Variants in KCNQ1 observed in about 807,000 individuals in gnomAD.
KCNQ1 encodes potassium voltage-gated channel subfamily KQT member 1.
A neutral mutation model predicts 72.4 loss-of-function variants in KCNQ1; 49 were observed. That is an observed-to-expected ratio of 0.68 (90% CI 0.54 to 0.86). The LOEUF is 0.86. Among genes scored for constraint, KCNQ1 ranks in the 40% least tolerant of loss-of-function variants. The pLI, the probability that KCNQ1 is intolerant of heterozygous loss-of-function variation, is 0.00. For synonymous variants in KCNQ1, 450 were observed against 412.6 expected (o/e 1.09, Z -1.10); for missense variants, 790 against 945.1 (o/e 0.84, Z 2.15).
rs184182820 is a variant in KCNQ1, at chr11:2,813,112, A to G, written c.1795-34655A>G. Among the ~76,000 whole-genome samples the G allele has an allele frequency of 1.7e-3, 266 of 152,352 alleles. 1 individual carries two copies. The highest frequency in any genetic ancestry group is 6.0e-3 in the African/African-American group (251 of 41,592). On this transcript the variant is annotated intron_variant, in intron 15 of 15. Coordinates refer to ENST00000155840, the MANE Select transcript of KCNQ1 (RefSeq NM_000218.3). This position sits in a 1 kb window ranked among gnomAD's most constrained non-coding sequence, Gnocchi z 4.4. Reference sequence around the variant, plus strand: ...TCTCCTGTGAGAACCCTGTGCCTAGAACGGAGCCTGGTACAGAGGAAGAAC... The same window carrying G: ...TCTCCTGTGAGAACCCTGTGCCTAGGACGGAGCCTGGTACAGAGGAAGAAC...
chr11:2,482,487 CAA>C lies in KCNQ1; in HGVS notation c.386+37004_386+37005del, dbSNP rs1371261874. ...TGTACACTCATTTTTGCCTGGAACT[CAA>C]GATTATTTCCTTGGGTCACATTTGC... On this transcript the variant is annotated intron_variant, in intron 1 of 15. Coordinates refer to ENST00000155840, the MANE Select transcript of KCNQ1 (RefSeq NM_000218.3). This position sits in a 1 kb window ranked among gnomAD's most constrained non-coding sequence, Gnocchi z 5.7. Among the ~76,000 whole-genome samples, 1 of 152,092 alleles carries C rather than the reference CAA, an allele frequency of 6.6e-6. No individual in the cohort carries two copies. Among genetic ancestry groups the C allele is most frequent in the African/African-American group, 2.4e-5 (1 of 41,396 alleles).
chr11:2,840,308 G>A (rs1848181060), intron 15 of KCNQ1: 2 of 152,824 alleles, frequency 1.3e-5, no homozygotes, highest in African/African-American at 2.4e-5. Flanking sequence ...AGAGGAGGAA[G>A]AAAATCCACG....
At chr11:2,570,141 G>A (rs999625716) in intron 2 of KCNQ1, among the ~76,000 whole-genome samples, 7 of 152,326 alleles carry the variant, frequency 4.6e-5, no homozygotes, top group Admixed American at 1.3e-4. Flanking sequence ...GGTTCCTGGC[G>A]TGGGACGCCC....
In KCNQ1 at chr11:2,484,113, A is replaced by C. The variant is rs1052435581; in HGVS notation, c.386+38629A>C. On this transcript the variant is annotated intron_variant, in intron 1 of 15. Coordinates refer to ENST00000155840, the MANE Select transcript of KCNQ1 (RefSeq NM_000218.3). The surrounding 1 kb of genome is among the most constrained non-coding windows in gnomAD (Gnocchi z 5.2). ...TGTATATCAGCATGGTTTCATAGAT[A>C]CTTCTTTTGTGTTATGGGCTATAAG... Among the ~76,000 whole-genome samples the C allele has an allele frequency of 1.2e-4, 19 of 152,118 alleles. No individual in the cohort carries two copies. Among genetic ancestry groups the C allele is most frequent in the African/African-American group, 4.6e-4 (19 of 41,412 alleles).
At chr11:2,630,439 ATTGT>A (rs994584829) in intron 10 of KCNQ1, 3 of 397,980 alleles carry the variant, frequency 7.5e-6, no homozygotes, top group African/African-American at 6.2e-5. Flanking sequence ...ATAAGTTGGG[ATTGT>A]TCCCTCTTTG....
chr11:2,677,820 A>G lies in KCNQ1; in HGVS notation c.1514+15739A>G, dbSNP rs1405773970. 5.0e-6 allele frequency: 2 copies of G among 398,314 alleles called. No homozygotes were observed. The highest frequency in any genetic ancestry group is 8.8e-6 in the Non-Finnish European group (2 of 226,036). 24.7% of individuals were successfully genotyped at this position (398,314 alleles called of 1,614,324 possible). On this transcript the variant is annotated intron_variant, in intron 11 of 15. Coordinates refer to ENST00000155840, the MANE Select transcript of KCNQ1 (RefSeq NM_000218.3). This position sits in a 1 kb window ranked among gnomAD's most constrained non-coding sequence, Gnocchi z 4.5. ...GATTAAAATGTTCATTTATGTTGTGATAGATACTGCCAAATAAGGGCTGTA... is the reference window on the plus strand; with the variant it reads ...GATTAAAATGTTCATTTATGTTGTGGTAGATACTGCCAAATAAGGGCTGTA...
rs996095036 is a variant in KCNQ1 at position 2,579,590 on chromosome 11, C to T, written c.922-3845C>T. Among the ~76,000 whole-genome samples, 1 of 152,202 alleles carries T rather than the reference C, an allele frequency of 6.6e-6. No homozygotes were observed. Among genetic ancestry groups the T allele is most frequent in the Non-Finnish European group, 1.5e-5 (1 of 68,020 alleles). On this transcript the variant is annotated intron_variant, in intron 6 of 15. Transcript: ENST00000155840. This position sits in a 1 kb window ranked among gnomAD's most constrained non-coding sequence, Gnocchi z 6.0. Reference sequence around the variant, plus strand: ...CAGGTCTGCAGGGAGGGGCCGTTTCCTTGTTAACTTGAGGATGAGGGTCTG... The same window carrying T: ...CAGGTCTGCAGGGAGGGGCCGTTTCTTTGTTAACTTGAGGATGAGGGTCTG...
chr11:2,685,921 T>C, intron 11 of KCNQ1: 1 of 398,734 alleles, frequency 2.5e-6, no homozygotes. Context: ...CCTGACCAAG[T>C]TCTGGGCCCA....
intron 11 of KCNQ1, among the ~76,000 whole-genome samples, chr11:2,739,133 G>A (rs1000947054): frequency 3.3e-5 from 5 of 152,196 alleles, no homozygotes; most frequent in South Asian, 2.1e-4. Context: ...TGTGCAGTGC[G>A]TCTGGCACAG....
At chr11:2,583,137 G>A (rs1848528794) in intron 6 of KCNQ1, among the ~76,000 whole-genome samples, 1 of 152,110 alleles carries the variant, frequency 6.6e-6, no homozygotes, top group African/African-American at 2.4e-5. Flanking sequence ...GAGGCAGCCG[G>A]TGTGGGGCGA....
In KCNQ1 at chr11:2,676,872, C is replaced by T. The variant is rs1352037377; in HGVS notation, c.1514+14791C>T. The stretch of plus-strand genomic sequence containing the variant: ...GTCAGCTTTGACTGGGGAGCCCTTT[C>T]ATTTCTTAGTAAGTGTTCAGCCCCA... On this transcript the variant is annotated intron_variant, in intron 11 of 15. Coordinates refer to ENST00000155840, the MANE Select transcript of KCNQ1 (RefSeq NM_000218.3). The surrounding 1 kb of genome is among the most constrained non-coding windows in gnomAD (Gnocchi z 4.2). 3 of 398,496 alleles carry T rather than the reference C, an allele frequency of 7.5e-6. No individual in the cohort carries two copies. The highest frequency in any genetic ancestry group is 1.3e-5 in the Non-Finnish European group (3 of 226,056). 24.7% of individuals were successfully genotyped at this position (398,496 alleles called of 1,614,324 possible). A position where few individuals can be genotyped will look rare whatever the true frequency, so the allele number is the denominator to read the frequency against.
Position 2,715,109 on chromosome 11 carries a change from C to T in KCNQ1, c.1514+53028C>T, listed in dbSNP as rs998455384. Among the ~76,000 whole-genome samples the T allele has an allele frequency of 2.6e-5, 4 of 152,052 alleles. No homozygotes were observed. Among genetic ancestry groups the T allele is most frequent in the African/African-American group, 9.7e-5 (4 of 41,388 alleles). On this transcript the variant is annotated intron_variant, in intron 11 of 15. Transcript: ENST00000155840. This position sits in a 1 kb window ranked among gnomAD's most constrained non-coding sequence, Gnocchi z 4.9. ...ACTGATGATACTTGGCGAGGATGAC[C>T]GCAAGTGTCTTGACCCAAACATGAG...
chr11:2,804,670 C>A (rs1039350301), intron 15 of KCNQ1, among the ~76,000 whole-genome samples: 29 of 150,644 alleles, frequency 1.9e-4, no homozygotes, highest in Non-Finnish European at 2.1e-4. Flanking sequence ...TTGCACTGCC[C>A]AGCGTGAAGC....
intron 2 of KCNQ1, among the ~76,000 whole-genome samples, chr11:2,569,164 G>A (rs1283414854): frequency 6.6e-6 from 1 of 152,178 alleles, no homozygotes; most frequent in Non-Finnish European, 1.5e-5. Context: ...GATTACAGGC[G>A]TGAGCCCCCG....
Position 2,659,579 on chromosome 11 carries a change from T to A in KCNQ1, c.1394-2382T>A, listed in dbSNP as rs921145239. 2.5e-6 allele frequency: 1 copy of A among 398,368 alleles called. No individual in the cohort carries two copies. The highest frequency in any genetic ancestry group is 1.3e-4 in the South Asian group (1 of 7,852). 24.7% of individuals were successfully genotyped at this position (398,368 alleles called of 1,614,324 possible). ...GTTACTATACACATTTATGTACAGGTTTTTGCGAACATAAAAATTCAATTC... is the reference window on the plus strand; with the variant it reads ...GTTACTATACACATTTATGTACAGGATTTTGCGAACATAAAAATTCAATTC... On this transcript the variant is annotated intron_variant, in intron 10 of 15. Coordinates refer to ENST00000155840, the MANE Select transcript of KCNQ1 (RefSeq NM_000218.3). This position sits in a 1 kb window ranked among gnomAD's most constrained non-coding sequence, Gnocchi z 4.3.
chr11:2,666,191 G>A, intron 11 of KCNQ1: 1 of 398,618 alleles, frequency 2.5e-6, no homozygotes. Context: ...ACCGCCCTCA[G>A]TCCCACTCTC....
intron 1 of KCNQ1, among the ~76,000 whole-genome samples, chr11:2,504,553 C>T (rs2741944): frequency 1.1e-3 from 167 of 152,178 alleles, no homozygotes; most frequent in African/African-American, 3.5e-3. Flanking sequence ...GCCAGGAGTT[C>T]GAGGCCTGCC....
In KCNQ1 at chr11:2,481,396, G is replaced by A. The variant is rs909603401; in HGVS notation, c.386+35912G>A. 2.6e-5 allele frequency among the ~76,000 whole-genome samples: 4 copies of A among 152,030 alleles called. No individual in the cohort carries two copies. Among genetic ancestry groups the A allele is most frequent in the African/African-American group, 7.2e-5 (3 of 41,392 alleles). Reference sequence around the variant, plus strand: ...ATGCACATGTTTCTACTTGGTCTTTGTGTGTGTGTTAAGGGCGTGTACACA... The same window carrying A: ...ATGCACATGTTTCTACTTGGTCTTTATGTGTGTGTTAAGGGCGTGTACACA... On this transcript the variant is annotated intron_variant, in intron 1 of 15. Coordinates refer to ENST00000155840, the MANE Select transcript of KCNQ1 (RefSeq NM_000218.3). The surrounding 1 kb of genome is among the most constrained non-coding windows in gnomAD (Gnocchi z 4.6).
rs9704526 is a variant in KCNQ1 at position 2,549,634 on chromosome 11, C to G, written c.478-20994C>G. 0.43 allele frequency among the ~76,000 whole-genome samples: 64,038 copies of G among 147,950 alleles called. 16,044 individuals carry two copies. Among genetic ancestry groups the G allele is most frequent in the African/African-American group, 0.7 (27,691 of 39,522 alleles). ...TGCTCTGCGAGGCCCGGGGTAGGGG[C>G]GTGGGGGGGCCTCCTCCTCCCAAGC... On this transcript the variant is annotated intron_variant, in intron 2 of 15. Transcript: ENST00000155840. The surrounding 1 kb of genome is among the most constrained non-coding windows in gnomAD (Gnocchi z 6.2).
Sources: allele counts gnomAD v4.1 joint callset (sites outside exome capture counted in the v4.1 genomes callset), GRCh38; gene constraint gnomAD v4.1.1; non-coding constraint Gnocchi (gnomAD v3.1); transcripts MANE v1.5; gene names NCBI Gene and HGNC (gene_info 2026-07-23, HGNC 2026-07-21).